LGR5: variants seen among roughly 807,000 people sequenced by gnomAD.
LGR5 encodes leucine-rich repeat-containing G protein-coupled receptor 5.
A neutral mutation model predicts 76.7 loss-of-function variants in LGR5; 54 were observed. The observed-to-expected ratio is 0.70, with a 90% CI of 0.57 to 0.88. The LOEUF is 0.88. LGR5 is among the 40% of genes least tolerant of loss of function. LGR5 has a pLI of 0.00. For missense variants in LGR5, 1,078 were observed against 1,073.3 expected, an observed-to-expected ratio of 1.00 and a Z score of -0.06; for synonymous variants, 406 against 421.9, an observed-to-expected ratio of 0.96 and a Z score of 0.46.
At chr12:71,452,840 T>C (rs1177820291) in intron 1 of LGR5, among the ~76,000 whole-genome samples, 1 of 152,186 alleles carries the variant, frequency 6.6e-6, no homozygotes, top group African/African-American at 2.4e-5. Flanking sequence ...CCTGACTAAG[T>C]TGTTGTGAAG....
At chr12:71,569,307 A>G (rs562179225) in intron 11 of LGR5, among the ~76,000 whole-genome samples, 6 of 152,376 alleles carry the variant, frequency 3.9e-5, no homozygotes, top group African/African-American at 1.4e-4. Context: ...AAATTGACAA[A>G]TGGGATCTAA....
chr12:71,499,499 G>A (rs1272109787), intron 1 of LGR5, among the ~76,000 whole-genome samples: 3 of 152,098 alleles, frequency 2.0e-5, no homozygotes, highest in African/African-American at 7.2e-5. Flanking sequence ...GAGGAAAGTG[G>A]CATGAGATCA....
chr12:71,553,294 T>G lies in LGR5; in HGVS notation c.644+6T>G, dbSNP rs377038297. ...CTCTCCAGCTTGGTAGTTCTGTAAGTTTTATTGATTTTGCTCTCTTTTAAC... is the reference window on the plus strand; with the variant it reads ...CTCTCCAGCTTGGTAGTTCTGTAAGGTTTATTGATTTTGCTCTCTTTTAAC... On this transcript the variant is annotated splice_donor_region_variant and intron_variant, in intron 5 of 17. Coordinates refer to ENST00000266674, the MANE Select transcript of LGR5 (RefSeq NM_003667.4). 6.8e-6 allele frequency: 11 copies of G among 1,608,690 alleles called. No homozygotes were observed. Among genetic ancestry groups the G allele is most frequent in the Admixed American group, 3.3e-5 (2 of 59,958 alleles).
chr12:71,457,842 C>T (rs1017477228), intron 1 of LGR5, among the ~76,000 whole-genome samples: 9 of 152,246 alleles, frequency 5.9e-5, no homozygotes, highest in Middle Eastern at 3.4e-3. Context: ...GCTGTTGCTG[C>T]TTCTCTCATG....
In LGR5 at chr12:71,582,452, G is replaced by T. The variant is rs956671833; in HGVS notation, c.1553-4G>T. On this transcript the variant is annotated splice_polypyrimidine_tract_variant and splice_region_variant and intron_variant, in intron 16 of 17. Transcript: ENST00000266674. ...TAATCATTCCAGGACTTCTTGTGCT[G>T]CAGATGAACGTGACCTTGAAGATTT... 6.2e-7 allele frequency: 1 copy of T among 1,613,290 alleles called. No homozygotes were observed. Among genetic ancestry groups the T allele is most frequent in the Admixed American group, 1.7e-5 (1 of 60,006 alleles).
rs151102973 is a variant in LGR5 at position 71,515,300 on chromosome 12, A to C, written c.285-9106A>C. Among the ~76,000 whole-genome samples, 249 of 152,378 alleles carry C rather than the reference A, an allele frequency of 1.6e-3. 3 individuals are homozygous for C. The East Asian group carries it at 0.025, about 15-fold the overall frequency. ...TTGAATCATGAATATCAATTTTAATAGACTATTATACTGGTTTCATCACTT... is the reference window on the plus strand; with the variant it reads ...TTGAATCATGAATATCAATTTTAATCGACTATTATACTGGTTTCATCACTT... On this transcript the variant is annotated intron_variant, in intron 2 of 17. Coordinates refer to ENST00000266674, the MANE Select transcript of LGR5 (RefSeq NM_003667.4).
chr12:71,527,998 G>A (rs556814475), intron 3 of LGR5, among the ~76,000 whole-genome samples: 1 of 152,238 alleles, frequency 6.6e-6, no homozygotes. Context: ...ATGTGTAATT[G>A]TATTGAAACG....
chr12:71,574,557 T>G (rs1229700225), intron 13 of LGR5, among the ~76,000 whole-genome samples: 3 of 152,152 alleles, frequency 2.0e-5, no homozygotes, highest in African/African-American at 7.2e-5. Context: ...CATCTTATTC[T>G]TTCTTAAATA....
At chr12:71,457,463 A>C (rs1290958939) in intron 1 of LGR5, among the ~76,000 whole-genome samples, 1 of 152,176 alleles carries the variant, frequency 6.6e-6, no homozygotes, top group Non-Finnish European at 1.5e-5. Flanking sequence ...GCTAAAGTAA[A>C]GGGGATCAGA....
chr12:71,560,622 T>A (rs1297443442), intron 7 of LGR5, among the ~76,000 whole-genome samples: 3 of 152,116 alleles, frequency 2.0e-5, no homozygotes, highest in Non-Finnish European at 2.9e-5. Flanking sequence ...TGAAACCCCG[T>A]CTCTACTAAA....
At position 71,561,799 on chromosome 12, in the gene LGR5, T is replaced by C. The variant is rs1187853987; in HGVS notation, c.804T>C (p.Asn268=). Residue 268 remains asparagine (N), a synonymous_variant, in exon 8 of 18, where the codon AAT becomes AAC. Coordinates refer to ENST00000266674, the MANE Select transcript of LGR5 (RefSeq NM_003667.4). ...NLKELGFHSN[N]IRSIPEKAFV... ...TTTCTAGAGGATTTCATAGCAACAA[T>C]ATCAGGTCGATACCTGAGAAAGCAT... 1 of 1,602,886 alleles carries C rather than the reference T, an allele frequency of 6.2e-7. No homozygotes were observed. Among genetic ancestry groups the C allele is most frequent in the South Asian group, 1.1e-5 (1 of 89,934 alleles).
At chr12:71,452,071 G>C (rs952394082) in intron 1 of LGR5, among the ~76,000 whole-genome samples, 1 of 152,134 alleles carries the variant, frequency 6.6e-6, no homozygotes, top group Non-Finnish European at 1.5e-5. Context: ...TGCTTACCCT[G>C]CCTTGTCCAT....
intron 3 of LGR5, among the ~76,000 whole-genome samples, chr12:71,526,955 A>G (rs190885188): frequency 2.0e-5 from 3 of 152,322 alleles, no homozygotes; most frequent in Admixed American, 2.0e-4. Context: ...GTACTTGAGC[A>G]TTCAGGAGAA....
chr12:71,584,246 A>C lies in LGR5; in HGVS notation c.2236A>C (p.Lys746Gln), dbSNP rs773308277. 3 of 1,613,954 alleles carry C rather than the reference A, an allele frequency of 1.9e-6. No homozygotes were observed. Among genetic ancestry groups the C allele is most frequent in the Non-Finnish European group, 2.5e-6 (3 of 1,180,026 alleles). The change falls in exon 18 of 18, where the codon AAG becomes CAG. Residue 746 changes from lysine (K) to glutamine (Q), a missense_variant. Physicochemically the swap from Lys to Gln is moderately conservative, Grantham distance 53. Coordinates refer to ENST00000266674, the MANE Select transcript of LGR5 (RefSeq NM_003667.4). Reference protein sequence around the residue: ...CFLMMTIAYTKLYCNLDKGDL... With the variant: ...CFLMMTIAYTQLYCNLDKGDL... ...CCTCATGATGACCATTGCCTACACC[A>C]AGCTCTACTGCAATTTGGACAAGGG... is the stretch of plus-strand genomic sequence containing the variant.
At chr12:71,532,414 T>C (rs1025126556) in intron 3 of LGR5, among the ~76,000 whole-genome samples, 4 of 152,180 alleles carry the variant, frequency 2.6e-5, no homozygotes, top group African/African-American at 7.2e-5. Context: ...AAGGAACCAA[T>C]ACATTTGAGA....
chr12:71,513,890 C>T (rs963231989), intron 2 of LGR5, among the ~76,000 whole-genome samples: 1 of 152,150 alleles, frequency 6.6e-6, no homozygotes, highest in Non-Finnish European at 1.5e-5. Context: ...CCTTTGGAAA[C>T]AAGATCAAAC....
Position 71,553,184 on chromosome 12 carries a change from G to T in LGR5, c.540G>T (p.Gln180His). 6.2e-7 allele frequency: 1 copy of T among 1,614,026 alleles called. No homozygotes were observed. The highest frequency in any genetic ancestry group is 8.5e-7 in the Non-Finnish European group (1 of 1,180,012). Residue 180 changes from glutamine (Q) to histidine (H), a missense_variant, in exon 5 of 18, where the codon CAG becomes CAT. By Grantham distance (24) the Gln-to-His change is conservative. Coordinates refer to ENST00000266674, the MANE Select transcript of LGR5 (RefSeq NM_003667.4). Reference sequence around the variant, plus strand: ...ATGCGTTAACAGAAATCCCCGTCCAGGCTTTTAGAAGTTTATCGGCATTGC... The same window carrying T: ...ATGCGTTAACAGAAATCCCCGTCCATGCTTTTAGAAGTTTATCGGCATTGC... ...DDNALTEIPV[Q>H]AFRSLSALQA...
intron 1 of LGR5, among the ~76,000 whole-genome samples, chr12:71,470,831 C>T (rs1873069160): frequency 6.6e-6 from 1 of 152,196 alleles, no homozygotes; most frequent in South Asian, 2.1e-4. Flanking sequence ...CTCTACTCTA[C>T]CTAGATGATC....
intron 4 of LGR5, among the ~76,000 whole-genome samples, chr12:71,539,679 T>C (rs1189156789): frequency 6.6e-6 from 1 of 152,216 alleles, no homozygotes; most frequent in African/African-American, 2.4e-5. Context: ...GGTTTCACTA[T>C]GTTGGTCAGG....
Sources: allele counts gnomAD v4.1 joint callset (sites outside exome capture counted in the v4.1 genomes callset), GRCh38; gene constraint gnomAD v4.1.1; transcripts MANE v1.5; gene names NCBI Gene and HGNC (gene_info 2026-07-23, HGNC 2026-07-21).